Variants in MUC4 observed in about 807,000 individuals in gnomAD.
The protein encoded by MUC4 is mucin-4.
Under a neutral mutation model 257.9 loss-of-function variants are expected in MUC4, and 202 were observed. The observed-to-expected ratio is 0.78, with a 90% CI of 0.70 to 0.88. The LOEUF (loss-of-function observed/expected upper bound fraction) is 0.88, where lower values mean the gene tolerates loss of function less well. Ranked by LOEUF, MUC4 falls within the 40% of genes least tolerant of loss-of-function variation. The pLI is 0.00. For missense variants in MUC4, 5,976 were observed against 6,513.7 expected (o/e 0.92, Z 2.84); for synonymous variants, 2,351 against 2,757.1 (o/e 0.85, Z 4.62).
At position 195,762,172 on chromosome 3, in the gene MUC4, G is replaced by T. The variant is rs1014942912; in HGVS notation, c.14427C>A (p.Thr4809=). Residue 4809 remains threonine (T), a synonymous_variant, in exon 14 of 25, where the codon ACC becomes ACA. Transcript: ENST00000463781. Reference sequence around the variant, plus strand: ...TGTTGGAGAGCGCGATCACCGAGACGGTGGCCCAGCCGTCGAAGCTGGCCG... The same window carrying T: ...TGTTGGAGAGCGCGATCACCGAGACTGTGGCCCAGCCGTCGAAGCTGGCCG... ...EVSASFDGWA[T]VSVIALSNIL... 1 of 1,607,096 alleles carries T rather than the reference G, an allele frequency of 6.2e-7. No homozygotes were observed. The highest frequency in any genetic ancestry group is 2.2e-5 in the East Asian group (1 of 44,592).
intron 1 of MUC4, among the ~76,000 whole-genome samples, chr3:195,800,890 GA>G (rs59625247): frequency 0.092 from 8,417 of 91,256 alleles, 314 homozygotes; most frequent in African/African-American, 0.16. Context: ...CCCCTTCTCT[GA>G]AAAAAAAAAA....
intron 1 of MUC4, among the ~76,000 whole-genome samples, chr3:195,801,910 C>G (rs1735375235): frequency 6.6e-6 from 1 of 151,996 alleles, no homozygotes; most frequent in Non-Finnish European, 1.5e-5. Context: ...TCCACGCTCC[C>G]GGGCCCTCCA....
intron 1 of MUC4, among the ~76,000 whole-genome samples, chr3:195,808,699 C>G (rs75320986): frequency 6.6e-6 from 1 of 152,198 alleles, no homozygotes; most frequent in South Asian, 2.1e-4. Context: ...AGCCCCTGCT[C>G]TTCCCTGTGC....
chr3:195,785,893 G>A lies in MUC4; in HGVS notation c.5687C>T (p.Ser1896Leu). ...AGGGGTGGTGTCACCTGTGGATGCT[G>A]AGTTAGTGTCGGTGACAGGAAGAGG... ...TTPLPVTDTN[S>L]ASTGDTTPLH... The change falls in exon 2 of 25, where the codon TCA becomes TTA. Residue 1896 changes from serine to leucine, a missense_variant. Physicochemically the swap from Ser to Leu is moderately radical, Grantham distance 145. Around this residue, in one of 44 missense-constraint regions of MUC4, gnomAD observed 87 missense variants for 104.6 expected, o/e 0.83. Coordinates refer to ENST00000463781, the MANE Select transcript of MUC4 (RefSeq NM_018406.7). 2.7e-6 allele frequency: 4 copies of A among 1,492,198 alleles called. No individual in the cohort carries two copies. The highest frequency in any genetic ancestry group is 3.6e-6 in the Non-Finnish European group (4 of 1,110,122). 92.4% of individuals were successfully genotyped at this position (1,492,198 alleles called of 1,614,324 possible).
chr3:195,795,743 G>A (rs1734489771), intron 1 of MUC4, among the ~76,000 whole-genome samples: 1 of 150,666 alleles, frequency 6.6e-6, no homozygotes, highest in African/African-American at 2.4e-5. Context: ...TATAGTAACA[G>A]ACCAGAACTC....
chr3:195,785,022 G>A lies in MUC4; in HGVS notation c.6558C>T (p.Ser2186=), dbSNP rs1730787431. ...CAGGAAGAGGGGTGGCGTGACCTGTGGATGCTGAGGAAGTGTCGGTGACAG... is the reference window on the plus strand; with the variant it reads ...CAGGAAGAGGGGTGGCGTGACCTGTAGATGCTGAGGAAGTGTCGGTGACAG... ...SLPVTDTSSA[S]TGHATPLPVT... is the part of the protein sequence containing the mutation. Residue 2186 remains serine, a synonymous_variant, in exon 2 of 25, where the codon TCC becomes TCT. Transcript: ENST00000463781. The A allele has an allele frequency of 1.3e-6, 2 of 1,549,634 alleles. No individual in the cohort carries two copies. Among genetic ancestry groups the A allele is most frequent in the Admixed American group, 2.0e-5 (1 of 50,896 alleles).
chr3:195,800,993 AC>A (rs1341846456), intron 1 of MUC4, among the ~76,000 whole-genome samples: 2 of 152,102 alleles, frequency 1.3e-5, no homozygotes, highest in Non-Finnish European at 2.9e-5. Context: ...CGTGGACCCC[AC>A]GTTCAGAAAC....
chr3:195,801,847 C>T (rs1245554994), intron 1 of MUC4, among the ~76,000 whole-genome samples: 2 of 152,094 alleles, frequency 1.3e-5, no homozygotes, highest in African/African-American at 4.8e-5. Flanking sequence ...CCGGCGGCCC[C>T]GTGCCACCAC....
chr3:195,789,083 T>G lies in MUC4; in HGVS notation c.2497A>C (p.Asn833His). Residue 833 changes from asparagine to histidine, a missense_variant, in exon 2 of 25, where the codon AAC becomes CAC. By Grantham distance (68) the Asn-to-His change is moderately conservative. This residue lies in a region of MUC4 where 1,583 missense variants were observed against 1,257.4 expected (regional missense o/e 1.26). Coordinates refer to ENST00000463781, the MANE Select transcript of MUC4 (RefSeq NM_018406.7). ...GTTGTGTGACTGTCCCTGGAGGGGT[T>G]TGATGAAAACCTTGTCGTCTCTCCT... ...TSGETTRFSS[N>H]PSRDSHTTQS... is the part of the protein sequence containing the mutation. 6.2e-7 allele frequency: 1 copy of G among 1,613,240 alleles called. No individual in the cohort carries two copies. Among genetic ancestry groups the G allele is most frequent in the South Asian group, 1.1e-5 (1 of 91,020 alleles).
In MUC4 at chr3:195,789,196, G is replaced by T; in HGVS notation, c.2384C>A (p.Ser795Ter). 6.2e-7 allele frequency: 1 copy of T among 1,613,832 alleles called. No homozygotes were observed. Among genetic ancestry groups the T allele is most frequent in the Non-Finnish European group, 8.5e-7 (1 of 1,179,850 alleles). The change falls in exon 2 of 25, where the codon TCA (serine) becomes TAA (stop). Residue 795 changes from serine to a stop codon, truncating the protein, a stop_gained. Transcript: ENST00000463781. LOFTEE classifies it high-confidence loss of function. ...AGCTGTGCCCGCTGAGGTGGTTCGT[G>T]ACCCTGAGGAGGCCGGTTCGCTGGT... ...TQTSEPASSG[S>*]RTTSAGTATP...
intron 7 of MUC4, among the ~76,000 whole-genome samples, chr3:195,767,411 TCAC>T (rs1258032546): frequency 2.8e-4 from 32 of 116,168 alleles, no homozygotes; most frequent in Middle Eastern, 5.3e-3. Flanking sequence ...ACCATCATCG[TCAC>T]CACCAACACT....
rs955325139 is a variant in MUC4 at position 195,789,080 on chromosome 3, G to T, written c.2500C>A (p.Pro834Thr). The T allele has an allele frequency of 3.7e-6, 6 of 1,613,506 alleles. No individual in the cohort carries two copies. Among genetic ancestry groups the T allele is most frequent in the Non-Finnish European group, 5.1e-6 (6 of 1,179,662 alleles). Reference sequence around the variant, plus strand: ...TGGGTTGTGTGACTGTCCCTGGAGGGGTTTGATGAAAACCTTGTCGTCTCT... The same window carrying T: ...TGGGTTGTGTGACTGTCCCTGGAGGTGTTTGATGAAAACCTTGTCGTCTCT... ...SGETTRFSSN[P>T]SRDSHTTQST... The change falls in exon 2 of 25, where the codon CCC becomes ACC. Residue 834 changes from proline (P) to threonine (T), a missense_variant. By Grantham distance (38) the Pro-to-Thr change is conservative. Transcript: ENST00000463781.
rs1469150294 is a variant in MUC4, at chr3:195,770,333, G to A, written c.13281C>T (p.Val4427=). The change falls in exon 6 of 25, where the codon GTC becomes GTT. Residue 4427 remains valine, a synonymous_variant. Coordinates refer to ENST00000463781, the MANE Select transcript of MUC4 (RefSeq NM_018406.7). The part of the protein sequence containing the change: ...ETFYGEHSLL[V]QQAESWIRKM... ...TTCTAATCCAAGACTCGGCCTGCTG[G>A]ACTAGCAGGCTGTGTTCACCATAGA... The A allele has an allele frequency of 6.2e-7, 1 of 1,613,906 alleles. No individual in the cohort carries two copies. Among genetic ancestry groups the A allele is most frequent in the African/African-American group, 1.3e-5 (1 of 74,900 alleles).
intron 2 of MUC4, 114 bp from the exon 3 acceptor site, chr3:195,778,569 C>A: frequency 4.2e-6 from 6 of 1,422,492 alleles, no homozygotes; most frequent in Non-Finnish European, 5.7e-6. Flanking sequence ...CCTTGTCTCT[C>A]CCCTGCTCAT....
In MUC4 at chr3:195,782,324, C is replaced by T. The variant is rs71321824; in HGVS notation, c.9256G>A (p.Ala3086Thr). The change falls in exon 2 of 25, where the codon GCC becomes ACC. Residue 3086 changes from alanine to threonine, a missense_variant. Around this residue, in one of 44 missense-constraint regions of MUC4, gnomAD observed 52 missense variants for 102.2 expected, o/e 0.51. Coordinates refer to ENST00000463781, the MANE Select transcript of MUC4 (RefSeq NM_018406.7). ...TDTSSASTGH[A>T]TPLPVTSLSS... ...AGGCTGGTGACAGGAAGAGGGGTGG[C>T]GTGACCTGTGGATGCTGAGGAAGTG... is the stretch of plus-strand genomic sequence containing the variant. The T allele has an allele frequency of 1.1e-4, 172 of 1,503,758 alleles. No homozygotes were observed. The East Asian group carries it at 2.1e-3, about 19-fold the overall frequency. 93.2% of individuals were successfully genotyped at this position (1,503,758 alleles called of 1,614,324 possible).
At chr3:195,762,299 C>G in intron 13 of MUC4, 45 bp from the exon 14 acceptor site, 1 of 1,524,830 alleles carries the variant, frequency 6.6e-7, no homozygotes, top group Non-Finnish European at 8.8e-7. Context: ...GTCGGCACCA[C>G]GGCCCGCACC....
intron 14 of MUC4, among the ~76,000 whole-genome samples, chr3:195,761,793 TGGA>T (rs1366391605): frequency 6.6e-6 from 1 of 151,812 alleles, no homozygotes; most frequent in Non-Finnish European, 1.5e-5. Context: ...CGGGCAGCGG[TGGA>T]GGAGGGCGGG....
rs147980932 is a variant in MUC4 at position 195,769,073 on chromosome 3, T to C, written c.13478A>G (p.Gln4493Arg). ...GCCTGAGCGCTGGGCCACGTCCCAC[T>C]GCATCCCACCGCTCTGGTAGAGAAA... ...ALFLYQSGGM[Q>R]WDVAQRSGNP... Residue 4493 changes from glutamine (Q) to arginine (R), a missense_variant, in exon 7 of 25, where the codon CAG becomes CGG. By Grantham distance (43) the Gln-to-Arg change is conservative. Coordinates refer to ENST00000463781, the MANE Select transcript of MUC4 (RefSeq NM_018406.7). 6 of 1,614,112 alleles carry C rather than the reference T, an allele frequency of 3.7e-6. No individual in the cohort carries two copies. The African/African-American group carries it at 4.0e-5, about 11-fold the overall frequency.
rs750405290 is a variant in MUC4, at chr3:195,771,808, G to A, written c.13086C>T (p.Asp4362=). 6.2e-7 allele frequency: 1 copy of A among 1,613,852 alleles called. No homozygotes were observed. The highest frequency in any genetic ancestry group is 1.1e-5 in the South Asian group (1 of 91,074). Residue 4362 remains aspartate, a synonymous_variant, in exon 5 of 25, where the codon GAC becomes GAT. Transcript: ENST00000463781. ...ACTCTGGGAAGATGATCTGGCCATT[G>A]TCTGTGAACTGAGCACATGGGTTTT... ...SSLRDSLYFT[D]NGQIIFPESD...
Sources: allele counts gnomAD v4.1 joint callset (sites outside exome capture counted in the v4.1 genomes callset), GRCh38; gene constraint gnomAD v4.1.1; regional missense constraint gnomAD v4.1.1; transcripts MANE v1.5; gene names NCBI Gene and HGNC (gene_info 2026-07-23, HGNC 2026-07-21).